Variants in RAI2 observed in about 807,000 individuals in gnomAD.
RAI2 encodes retinoic acid induced 2.
In RAI2, 5 loss-of-function variants were observed where a neutral mutation model predicts 15.3. That is an observed-to-expected ratio of 0.33 (90% confidence interval 0.17 to 0.69). The LOEUF is 0.69. RAI2 is among the 30% of genes least tolerant of loss of function. RAI2 has a pLI of 0.69. For missense variants in RAI2, 424 were observed against 424.7 expected, an observed-to-expected ratio of 1.00 and a Z score of 0.01; for synonymous variants, 191 against 184.0, an observed-to-expected ratio of 1.04 and a Z score of -0.31.
intron 1 of RAI2, among the ~76,000 whole-genome samples, chrX:17,841,893 G>A (rs2067401960): frequency 8.9e-6 from 1 of 112,660 alleles, no homozygotes; most frequent in African/African-American, 3.2e-5. Flanking sequence ...TAACTCATCA[G>A]AAATCTTCCT....
intron 1 of RAI2, among the ~76,000 whole-genome samples, chrX:17,814,532 C>T (rs924534195): frequency 1.9e-5 from 2 of 108,062 alleles, no homozygotes; most frequent in African/African-American, 6.8e-5. Context: ...TTAATTTAGG[C>T]CACCATGACC....
At chrX:17,849,670 A>T (rs769754262) in intron 1 of RAI2, among the ~76,000 whole-genome samples, 1 of 112,687 alleles carries the variant, frequency 8.9e-6, no homozygotes, top group African/African-American at 3.2e-5. Context: ...TGCATTGGCT[A>T]GGATGGACCC....
chrX:17,841,947 A>C (rs150552891), intron 1 of RAI2, among the ~76,000 whole-genome samples: 7 of 112,409 alleles, frequency 6.2e-5, no homozygotes, highest in Non-Finnish European at 1.3e-4. Context: ...AGAGAAAGGA[A>C]GTGCTCTAGG....
chrX:17,805,023 T>TACCA (rs2066961168), intron 1 of RAI2, among the ~76,000 whole-genome samples: 1 of 113,134 alleles, frequency 8.8e-6, no homozygotes, highest in Non-Finnish European at 1.9e-5. Flanking sequence ...CCAGGCCCTC[T>TACCA]GTTGAGAACA....
At chrX:17,836,497 A>G (rs2067336177) in intron 1 of RAI2, among the ~76,000 whole-genome samples, 1 of 112,505 alleles carries the variant, frequency 8.9e-6, no homozygotes, top group Middle Eastern at 4.6e-3. Flanking sequence ...GAATGGCTGT[A>G]CAGGTATTCG....
chrX:17,802,033 G>A lies in RAI2; in HGVS notation c.-23C>T. On this transcript the variant is annotated splice_region_variant and 5_prime_UTR_variant, in exon 2 of 2. Coordinates refer to ENST00000451717, the MANE Select transcript of RAI2 (RefSeq NM_021785.6). Reference sequence around the variant, plus strand: ...CATCACTCAGCTCTGATGCCACTTGGCCTGCAACACAGAACATACAATATG... The same window carrying A: ...CATCACTCAGCTCTGATGCCACTTGACCTGCAACACAGAACATACAATATG... 1 of 1,175,609 alleles carries A rather than the reference G, an allele frequency of 8.5e-7. No homozygotes were observed. The highest frequency in any genetic ancestry group is 2.3e-5 in the Admixed American group (1 of 42,877).
chrX:17,813,532 T>C (rs1408519022), intron 1 of RAI2, among the ~76,000 whole-genome samples: 1 of 111,213 alleles, frequency 9.0e-6, no homozygotes, highest in Non-Finnish European at 1.9e-5. Context: ...CCGACAACTA[T>C]GATTAAGTTT....
rs567274489 is a variant in RAI2 at position 17,813,055 on chromosome X, A to G, written c.-24-11021T>C. 4.6e-5 allele frequency among the ~76,000 whole-genome samples: 5 copies of G among 109,237 alleles called. No individual in the cohort carries two copies. The South Asian group carries it at 1.9e-3, about 42-fold the overall frequency. The allele number at this position is 109,237 out of a possible 115,157, so 94.9% of individuals were successfully genotyped here. On this transcript the variant is annotated intron_variant, in intron 1 of 1. Coordinates refer to ENST00000451717, the MANE Select transcript of RAI2 (RefSeq NM_021785.6). ...GCACAGTGAGGACATGGTAAAAAAA[A>G]TAAAATATAGCATTGTTTACAAGTC...
chrX:17,824,087 C>T (rs1443144520), intron 1 of RAI2, among the ~76,000 whole-genome samples: 7 of 112,544 alleles, frequency 6.2e-5, no homozygotes, highest in South Asian at 3.7e-4. Context: ...AATAGATAAA[C>T]GAATGAATGA....
intron 1 of RAI2, among the ~76,000 whole-genome samples, chrX:17,814,213 C>T (rs750785010): frequency 5.6e-5 from 6 of 107,614 alleles, no homozygotes; most frequent in African/African-American, 1.7e-4. Flanking sequence ...TCATCTCAAC[C>T]GAGAGGCTAG....
At chrX:17,807,630 C>T (rs991375765) in intron 1 of RAI2, among the ~76,000 whole-genome samples, 12 of 111,643 alleles carry the variant, frequency 1.1e-4, no homozygotes, top group South Asian at 7.5e-4. Context: ...GCTCTTGTTT[C>T]GGGAAGAGCA....
rs377555637 is a variant in RAI2, at chrX:17,823,543, G to A, written c.-24-21509C>T. 1.1e-4 allele frequency among the ~76,000 whole-genome samples: 12 copies of A among 111,655 alleles called. No homozygotes were observed. In the East Asian group the frequency reaches 2.3e-3, roughly 21 times the overall value. ...ACTATCATCAAGTCTAAAGTGACAA[G>A]TGTAAGGTCAAGAGCAGAGGTGGTG... On this transcript the variant is annotated intron_variant, in intron 1 of 1. Transcript: ENST00000451717.
chrX:17,822,614 A>G, intron 1 of RAI2, among the ~76,000 whole-genome samples: 1 of 112,339 alleles, frequency 8.9e-6, no homozygotes, highest in African/African-American at 3.2e-5. Context: ...GATTTCTCCC[A>G]GAAGAATGAG....
chrX:17,849,561 C>T (rs964019660), intron 1 of RAI2, among the ~76,000 whole-genome samples: 3 of 112,606 alleles, frequency 2.7e-5, no homozygotes, highest in African/African-American at 9.7e-5. Flanking sequence ...TACCACTGTC[C>T]AGCCTATAGC....
intron 1 of RAI2, 100 bp from the exon 2 acceptor site, chrX:17,802,134 A>G: frequency 1.0e-6 from 1 of 997,796 alleles, no homozygotes; most frequent in Non-Finnish European, 1.3e-6. Flanking sequence ...CGTTTTAGTT[A>G]ACCAGGGAGC....
chrX:17,846,709 C>T (rs1392559988), intron 1 of RAI2, among the ~76,000 whole-genome samples: 1 of 111,251 alleles, frequency 9.0e-6, no homozygotes, highest in Non-Finnish European at 1.9e-5. Context: ...GGAGGGGAGG[C>T]CCAGATACCC....
intron 1 of RAI2, among the ~76,000 whole-genome samples, chrX:17,842,948 T>C (rs1014197589): frequency 8.9e-6 from 1 of 111,835 alleles, no homozygotes; most frequent in Non-Finnish European, 1.9e-5. Flanking sequence ...TATGCCTCAC[T>C]CCTATAGTAA....
In RAI2 at chrX:17,801,998, G is replaced by C; in HGVS notation, c.13C>G (p.Gln5Glu). ...ATGTCCATGGAGAGGTTCTGGGACT[G>C]CAGGTCGTCCATCACTCAGCTCTGA... Reference protein sequence around the residue: MDDLQSQNLSMDMTD... With the variant: MDDLESQNLSMDMTD... The change falls in exon 2 of 2, where the codon CAG becomes GAG. Residue 5 changes from glutamine to glutamate, a missense_variant. Transcript: ENST00000451717. 8.4e-7 allele frequency: 1 copy of C among 1,197,447 alleles called. No homozygotes were observed. The highest frequency in any genetic ancestry group is 1.7e-5 in the African/African-American group (1 of 57,634).
chrX:17,839,300 C>T (rs2067371522), intron 1 of RAI2, among the ~76,000 whole-genome samples: 1 of 112,138 alleles, frequency 8.9e-6, no homozygotes, highest in African/African-American at 3.2e-5. Context: ...CTGCCCCCTT[C>T]GCAGTAAGGA....
Sources: allele counts gnomAD v4.1 joint callset (sites outside exome capture counted in the v4.1 genomes callset), GRCh38; gene constraint gnomAD v4.1.1; transcripts MANE v1.5; gene names NCBI Gene and HGNC (gene_info 2026-07-23, HGNC 2026-07-21).